LIPC: variants seen among roughly 807,000 people sequenced by gnomAD.
LIPC encodes lipase C, hepatic type, also known as hepatic triacylglycerol lipase.
LIPC carries 44 observed loss-of-function variants against 50.7 expected under a neutral mutation model. The ratio of observed to expected loss-of-function variants is 0.87; its 90% CI spans 0.68 to 1.11. The LOEUF is 1.11. Among genes scored for constraint, LIPC ranks in the 50% most tolerant of loss-of-function variants. The pLI is 0.00. For synonymous variants in LIPC, 271 were observed against 256.4 expected (o/e 1.06, Z -0.54); for missense variants, 697 against 648.2 (o/e 1.08, Z -0.82).
At chr15:58,504,584 G>A (rs1171097741) in intron 1 of LIPC, among the ~76,000 whole-genome samples, 2 of 152,162 alleles carry the variant, frequency 1.3e-5, no homozygotes, top group South Asian at 2.1e-4. Flanking sequence ...GCCCAGCATC[G>A]ACCTGGCCTT....
chr15:58,538,291 G>T (rs756158292), intron 1 of LIPC, 42 bp from the exon 2 acceptor site: 70 of 1,588,468 alleles, frequency 4.4e-5, no homozygotes, highest in Non-Finnish European at 6.1e-5. Context: ...TTCAGATGAA[G>T]CAGATGCCAG....
At chr15:58,456,298 G>A (rs1241018275) in intron 1 of LIPC, 2 of 152,158 alleles carry the variant, frequency 1.3e-5, no homozygotes, top group Non-Finnish European at 2.9e-5. Flanking sequence ...TTGCATTAAG[G>A]AAAAAACACG....
intron 1 of LIPC, among the ~76,000 whole-genome samples, chr15:58,477,152 G>A (rs1340420884): frequency 6.6e-6 from 1 of 152,220 alleles, no homozygotes; most frequent in Non-Finnish European, 1.5e-5. Context: ...GAAGCTAGCA[G>A]GTTGTCTGTA....
At chr15:58,479,220 G>A (rs1486300676) in intron 1 of LIPC, among the ~76,000 whole-genome samples, 3 of 152,170 alleles carry the variant, frequency 2.0e-5, no homozygotes, top group African/African-American at 4.8e-5. Context: ...CTCAACTTCT[G>A]CAGGAAAAAA....
intron 1 of LIPC, among the ~76,000 whole-genome samples, chr15:58,491,718 G>A (rs1434311041): frequency 6.6e-6 from 1 of 152,238 alleles, no homozygotes; most frequent in East Asian, 1.9e-4. Flanking sequence ...AAGAGTCAAA[G>A]TCGTAGGGCT....
At chr15:58,489,079 A>G (rs1337051233) in intron 1 of LIPC, among the ~76,000 whole-genome samples, 1 of 152,016 alleles carries the variant, frequency 6.6e-6, no homozygotes, top group Non-Finnish European at 1.5e-5. Context: ...ACTTCACAAC[A>G]ATACTGAGCT....
chr15:58,526,305 C>A (rs527962961), intron 1 of LIPC, among the ~76,000 whole-genome samples: 10 of 152,314 alleles, frequency 6.6e-5, no homozygotes, highest in African/African-American at 2.4e-4. Context: ...AGGGCAGAAC[C>A]CTGGCTGGAG....
intron 1 of LIPC, chr15:58,498,493 T>TAC (rs1464606512): frequency 5.3e-5 from 8 of 152,052 alleles, no homozygotes; most frequent in African/African-American, 7.3e-5. Context: ...TATATATATA[T>TAC]ACACACACAC....
Position 58,451,176 on chromosome 15 carries a change from G to A in LIPC, c.88+19056G>A, listed in dbSNP as rs533995808. On this transcript the variant is annotated intron_variant, in intron 1 of 8. Coordinates refer to ENST00000299022, the MANE Select transcript of LIPC (RefSeq NM_000236.3). ...AAGGCCCTGACCGGCACAGGATTGG[G>A]AGGCTGTTGCTGAGACCCAGGCCTC... is the stretch of plus-strand genomic sequence containing the variant. Among the ~76,000 whole-genome samples, 34 of 152,318 alleles carry A rather than the reference G, an allele frequency of 2.2e-4. 1 individual carries two copies. The South Asian group carries it at 5.8e-3, about 26-fold the overall frequency.
chr15:58,490,000 G>C (rs1891530126), intron 1 of LIPC, among the ~76,000 whole-genome samples: 1 of 148,232 alleles, frequency 6.7e-6, no homozygotes, highest in Non-Finnish European at 1.5e-5. Context: ...TAATACTGTG[G>C]GGAAAAGAAA....
chr15:58,465,159 A>G (rs1459171361), intron 1 of LIPC, among the ~76,000 whole-genome samples: 5 of 152,132 alleles, frequency 3.3e-5, no homozygotes, highest in African/African-American at 4.8e-5. Flanking sequence ...CCAGGGGAAA[A>G]AGAAGATTCT....
At chr15:58,436,409 C>G (rs1416505136) in intron 1 of LIPC, 1 of 244,860 alleles carries the variant, frequency 4.1e-6, no homozygotes, top group African/African-American at 2.3e-5. Flanking sequence ...GTTGTAACAT[C>G]TTGTTTGATA....
At chr15:58,558,586 T>A (rs1268113981) in intron 6 of LIPC, among the ~76,000 whole-genome samples, 1 of 67,680 alleles carries the variant, frequency 1.5e-5, no homozygotes, top group African/African-American at 4.8e-5. Context: ...GTCAGAGCAG[T>A]GGCAACATAA....
chr15:58,489,647 T>C (rs1398272223), intron 1 of LIPC, among the ~76,000 whole-genome samples: 1 of 152,194 alleles, frequency 6.6e-6, no homozygotes, highest in Non-Finnish European at 1.5e-5. Flanking sequence ...AGTGATGTTA[T>C]CTACAGAAGC....
chr15:58,502,862 G>T (rs553512638), intron 1 of LIPC, among the ~76,000 whole-genome samples: 43 of 150,974 alleles, frequency 2.8e-4, no homozygotes, highest in Admixed American at 1.6e-3. Context: ...GCACAAGGAT[G>T]AAGAGGACAT....
At chr15:58,567,803 G>A (rs1417645421) in intron 8 of LIPC, among the ~76,000 whole-genome samples, 1 of 152,156 alleles carries the variant, frequency 6.6e-6, no homozygotes, top group Admixed American at 6.5e-5. Context: ...ATATGTAAAT[G>A]CATAGGAACA....
chr15:58,449,186 G>A (rs1207265703), intron 1 of LIPC, among the ~76,000 whole-genome samples: 2 of 152,144 alleles, frequency 1.3e-5, no homozygotes, highest in East Asian at 1.9e-4. Flanking sequence ...AGCACCCCAC[G>A]CTCAGCTGCT....
intron 1 of LIPC, among the ~76,000 whole-genome samples, chr15:58,464,916 T>C (rs751582685): frequency 9.9e-5 from 15 of 152,228 alleles, no homozygotes; most frequent in Non-Finnish European, 1.9e-4. Flanking sequence ...GAGGTTGCAG[T>C]GAGCCAAGAC....
intron 1 of LIPC, among the ~76,000 whole-genome samples, chr15:58,492,205 C>T (rs1318803871): frequency 1.3e-5 from 2 of 152,176 alleles, no homozygotes; most frequent in Non-Finnish European, 2.9e-5. Context: ...AGATCCTCAA[C>T]TTGGCCTGCT....
Sources: allele counts gnomAD v4.1 joint callset (sites outside exome capture counted in the v4.1 genomes callset), GRCh38; gene constraint gnomAD v4.1.1; transcripts MANE v1.5; gene names NCBI Gene and HGNC (gene_info 2026-07-23, HGNC 2026-07-21).